ZNF320: variants seen among roughly 807,000 people sequenced by gnomAD.
ZNF320 encodes the protein zinc finger gene 320.
A neutral mutation model predicts 6.8 loss-of-function variants in ZNF320; 2 were observed. That is an observed-to-expected ratio of 0.29 (90% CI 0.12 to 0.93). The LOEUF is 0.93. ZNF320 is among the 40% of genes least tolerant of loss of function. The probability of loss-of-function intolerance (pLI) is 0.55; values close to 1 mark genes in which losing one functional copy is unlikely to be tolerated. For missense variants in ZNF320, 472 were observed against 611.0 expected (o/e 0.77, Z 2.40); for synonymous variants, 208 against 203.2 (o/e 1.02, Z -0.20).
chr19:52,886,222 C>T (rs892544221), intron 5 of ZNF320, among the ~76,000 whole-genome samples: 2 of 152,086 alleles, frequency 1.3e-5, no homozygotes, highest in Non-Finnish European at 2.9e-5. Flanking sequence ...GCAACCTCCA[C>T]CTCCCAGGTT....
chr19:52,901,951 G>A (rs988944965), upstream of ZNF320, among the ~76,000 whole-genome samples: 4 of 151,688 alleles, frequency 2.6e-5, no homozygotes, highest in African/African-American at 4.8e-5. Flanking sequence ...AGTGCAAAGA[G>A]TTTTGTCAGG....
chr19:52,861,874 C>T (rs1362924941), exon 6 of ZNF320: 1 of 384,758 alleles, frequency 2.6e-6, no homozygotes, highest in Non-Finnish European at 5.2e-6. Flanking sequence ...TCTCTGATGC[C>T]TAATGACTTG....
intron 5 of ZNF320, among the ~76,000 whole-genome samples, chr19:52,886,945 G>A (rs1315144207): frequency 7.4e-6 from 1 of 135,536 alleles, no homozygotes; most frequent in Non-Finnish European, 1.6e-5. Flanking sequence ...GAAAAAGAAA[G>A]AAAAGAAGAA....
At chr19:52,898,142 G>C (rs937734114), upstream of ZNF320, among the ~76,000 whole-genome samples, 10 of 152,210 alleles carry the variant, frequency 6.6e-5, no homozygotes, top group Non-Finnish European at 1.3e-4. Flanking sequence ...CTGCCTCAGC[G>C]AAACCTCCAA....
At position 52,879,710 on chromosome 19, in the gene ZNF320, A is replaced by G. The variant is rs2063857149; in HGVS notation, c.*886T>C. 1.3e-5 allele frequency: 2 copies of G among 152,190 alleles called. No homozygotes were observed. The highest frequency in any genetic ancestry group is 4.1e-4 in the South Asian group (2 of 4,832). The allele number at this position is 152,190 out of a possible 1,614,324, so 9.4% of individuals were successfully genotyped here. ...AGAAAATCACAAAGAGTCAACCAAAATGCAACTGGAACTAAAAAACATATG... is the reference window on the plus strand; with the variant it reads ...AGAAAATCACAAAGAGTCAACCAAAGTGCAACTGGAACTAAAAAACATATG... On this transcript the variant is annotated 3_prime_UTR_variant, in exon 6 of 6. Transcript: ENST00000682928.
intron 5 of ZNF320, among the ~76,000 whole-genome samples, chr19:52,869,053 G>A (rs1242124768): frequency 1.3e-5 from 2 of 152,080 alleles, no homozygotes; most frequent in Non-Finnish European, 2.9e-5. Context: ...GAAGGGCAAG[G>A]GTGGAGAGCA....
At chr19:52,903,336 T>C in the ZNF320 span, among the ~76,000 whole-genome samples, 1 of 152,140 alleles carries the variant, frequency 6.6e-6, no homozygotes, top group Admixed American at 6.5e-5. Context: ...TAACTTAGAA[T>C]TGGTATAGAT....
At chr19:52,860,804 C>G (rs73936432), downstream of ZNF320, among the ~76,000 whole-genome samples, 733 of 152,162 alleles carry the variant, frequency 4.8e-3, 11 homozygotes, top group African/African-American at 0.017. Flanking sequence ...ATGACTCATG[C>G]GTGAGCAGTA....
intron 5 of ZNF320, among the ~76,000 whole-genome samples, chr19:52,884,139 C>G (rs891968830): frequency 1.3e-5 from 2 of 152,160 alleles, no homozygotes; most frequent in African/African-American, 4.8e-5. Flanking sequence ...AAGCCTCTCA[C>G]CAGGAATCAA....
At position 52,865,477 on chromosome 19, in the gene ZNF320, T is replaced by TGTAATAC. The variant is rs1232738853; in HGVS notation, c.224-1319_224-1318insGTATTAC. ...GTAATACATATATATATATTACATA[T>TGTAATAC]ATATATAATACATATATATTATACA... On this transcript the variant is annotated intron_variant, in intron 5 of 5. Coordinates refer to the ZNF320 transcript ENST00000673631. The TGTAATAC allele has an allele frequency of 1.6e-3, 70 of 43,972 alleles. 1 individual carries two copies. Among genetic ancestry groups the TGTAATAC allele is most frequent in the African/African-American group, 5.3e-3 (65 of 12,186 alleles). The allele number at this position is 43,972 out of a possible 1,614,324, so 2.7% of individuals were successfully genotyped here.
chr19:52,886,427 C>T (rs911516974), intron 5 of ZNF320, among the ~76,000 whole-genome samples: 5 of 152,164 alleles, frequency 3.3e-5, no homozygotes, highest in East Asian at 1.9e-4. Flanking sequence ...GCCACTGCAC[C>T]TGGCCAGGTT....
At chr19:52,873,593 A>G (rs1379522572), downstream of ZNF320, among the ~76,000 whole-genome samples, 1 of 152,232 alleles carries the variant, frequency 6.6e-6, no homozygotes, top group Admixed American at 6.5e-5. Context: ...ACACAGTAAC[A>G]ATCTGATCTC....
At chr19:52,888,085 C>G in intron 5 of ZNF320, 42 bp downstream of exon 5, 6 of 1,602,498 alleles carry the variant, frequency 3.7e-6, no homozygotes, top group Non-Finnish European at 4.2e-6. Context: ...TACAAAGATC[C>G]ACAAGGGCAC....
chr19:52,864,518 G>T (rs1410998365), intron 5 of ZNF320, among the ~76,000 whole-genome samples: 1 of 152,054 alleles, frequency 6.6e-6, no homozygotes, highest in African/African-American at 2.4e-5. Flanking sequence ...GAAAGTCAGG[G>T]CCAGCCATAG....
intron 5 of ZNF320, among the ~76,000 whole-genome samples, chr19:52,882,675 G>A (rs548155115): frequency 6.6e-6 from 1 of 152,146 alleles, no homozygotes; most frequent in Non-Finnish European, 1.5e-5. Flanking sequence ...GGGGGTGGTG[G>A]CTCGCGCCTG....
chr19:52,862,292 A>G, exon 6 of ZNF320: 1 of 625,492 alleles, frequency 1.6e-6, no homozygotes, highest in Non-Finnish European at 2.8e-6. Flanking sequence ...GGTGAATTCT[A>G]GTATGTCCTG....
chr19:52,881,000 G>A lies in ZNF320; in HGVS notation c.1126C>T (p.Gln376Ter). ...FRSDSRLAEH[Q>*]RVHTGERPYT... ...GGTCTCTCTCCAGTATGAACTCTCT[G>A]ATGTTCTGCAAGACGTGAATCACTC... The change falls in exon 6 of 6, where the codon CAG becomes TAG. Residue 376 changes from glutamine to a stop codon, truncating the protein, a stop_gained. Coordinates refer to ENST00000682928, the MANE Select transcript of ZNF320 (RefSeq NM_001351774.2). LOFTEE classifies it low-confidence loss of function (END_TRUNC). 3 of 1,613,082 alleles carry A rather than the reference G, an allele frequency of 1.9e-6. No homozygotes were observed. The highest frequency in any genetic ancestry group is 1.3e-5 in the African/African-American group (1 of 74,688).
At chr19:52,875,797 A>T (rs2063755524), downstream of ZNF320, among the ~76,000 whole-genome samples, 1 of 152,082 alleles carries the variant, frequency 6.6e-6, no homozygotes, top group Non-Finnish European at 1.5e-5. Flanking sequence ...GAAAAAAAAA[A>T]AATTCCAGGA....
chr19:52,890,246 A>G lies in ZNF320; in HGVS notation c.10T>C (p.Ser4Pro). The G allele has an allele frequency of 6.2e-7, 1 of 1,607,618 alleles. No individual in the cohort carries two copies. MALSQGLLTFRDVA... is the reference protein window; with the variant it reads MALPQGLLTFRDVA... The stretch of plus-strand genomic sequence containing the variant: ...CACCGAGAATATCATCTCACCTGAG[A>G]AAGAGCCATCCCCGACTCCTTTGCT... Residue 4 changes from serine to proline, a missense_variant, in exon 4 of 6, where the codon TCT (serine) becomes CCT (proline). By Grantham distance (74) the Ser-to-Pro change is moderately conservative (BLOSUM62 -1). Transcript: ENST00000682928.
Sources: gnomAD v4.1 joint callset for allele counts (sites outside exome capture counted in the v4.1 genomes callset) on GRCh38, gnomAD v4.1.1 for gene constraint, MANE v1.5 for transcripts, NCBI Gene and HGNC (gene_info 2026-07-23, HGNC 2026-07-21) for gene names.